Variants in SCLT1 observed in about 807,000 individuals in gnomAD.
SCLT1 encodes sodium channel and clathrin linker 1, also known as sodium channel-associated protein 1.
In SCLT1, 78 loss-of-function variants were observed where a neutral mutation model predicts 112.8. The observed-to-expected ratio is 0.69, with a 90% CI of 0.58 to 0.83. SCLT1 has a LOEUF of 0.83. Among genes scored for constraint, SCLT1 ranks in the 40% least tolerant of loss-of-function variants. The pLI is 0.00. For missense variants in SCLT1, 747 were observed against 770.4 expected (o/e 0.97, Z 0.36); for synonymous variants, 257 against 254.7 (o/e 1.01, Z -0.09).
intron 18 of SCLT1, among the ~76,000 whole-genome samples, chr4:128,925,491 T>G (rs1736223945): frequency 6.6e-6 from 1 of 151,990 alleles, no homozygotes; most frequent in Non-Finnish European, 1.5e-5. Flanking sequence ...TCCTGGCTAA[T>G]TTTTGTATTT....
At chr4:129,084,544 A>T (rs1163353953) in intron 1 of SCLT1, among the ~76,000 whole-genome samples, 1 of 152,150 alleles carries the variant, frequency 6.6e-6, no homozygotes, top group Non-Finnish European at 1.5e-5. Context: ...ATGAAACCAA[A>T]AAAGAGACTG....
chr4:128,874,987 T>C (rs1665089246), intron 4 of SCLT1: 1 of 148,994 alleles, frequency 6.7e-6, no homozygotes, highest in Admixed American at 6.7e-5. Context: ...TAGCTTGGTG[T>C]CCATTCAGCT....
chr4:128,922,712 C>G (rs1735976580), intron 18 of SCLT1, among the ~76,000 whole-genome samples: 1 of 151,966 alleles, frequency 6.6e-6, no homozygotes, highest in Non-Finnish European at 1.5e-5. Context: ...GTCTGTGTAA[C>G]AAAATAATAG....
intron 9 of SCLT1, among the ~76,000 whole-genome samples, chr4:128,977,532 AAAG>A (rs1291583401): frequency 6.6e-6 from 1 of 152,210 alleles, no homozygotes; most frequent in Non-Finnish European, 1.5e-5. Context: ...ACAATGTTAC[AAAG>A]AAGATGATAC....
At chr4:129,023,395 G>A (rs1250404350) in intron 5 of SCLT1, among the ~76,000 whole-genome samples, 1 of 152,168 alleles carries the variant, frequency 6.6e-6, no homozygotes, top group East Asian at 1.9e-4. Context: ...CTGTATTCAG[G>A]AGACCTATCT....
chr4:128,896,602 T>C (rs1401569450), intron 18 of SCLT1, among the ~76,000 whole-genome samples: 1 of 152,096 alleles, frequency 6.6e-6, no homozygotes, highest in Non-Finnish European at 1.5e-5. Flanking sequence ...CTGGAAACTC[T>C]AAAAATCAGA....
intron 1 of SCLT1, among the ~76,000 whole-genome samples, chr4:129,090,673 C>G (rs1353978836): frequency 6.6e-6 from 1 of 152,146 alleles, no homozygotes; most frequent in Non-Finnish European, 1.5e-5. Context: ...AGTCCATCAC[C>G]ACTCTGCCAG....
chr4:128,966,375 CAG>C (rs1328312706), intron 10 of SCLT1, among the ~76,000 whole-genome samples: 2 of 152,156 alleles, frequency 1.3e-5, no homozygotes, highest in South Asian at 2.1e-4. Context: ...CCAATTTATT[CAG>C]AGTTAATATT....
chr4:129,090,578 T>C (rs1156927784), intron 1 of SCLT1, among the ~76,000 whole-genome samples: 2 of 152,196 alleles, frequency 1.3e-5, no homozygotes, highest in Non-Finnish European at 2.9e-5. Flanking sequence ...ACACAATTCA[T>C]AAAAGAACAA....
intron 2 of SCLT1, among the ~76,000 whole-genome samples, chr4:129,079,194 C>T (rs995647275): frequency 6.6e-6 from 1 of 152,126 alleles, no homozygotes; most frequent in Non-Finnish European, 1.5e-5. Flanking sequence ...AATCTCATAT[C>T]CTCACACTGG....
chr4:129,076,342 C>T (rs1024158937), intron 2 of SCLT1, among the ~76,000 whole-genome samples: 1 of 152,092 alleles, frequency 6.6e-6, no homozygotes, highest in Non-Finnish European at 1.5e-5. Flanking sequence ...GCCACTCATA[C>T]CTCTTTGGCA....
intron 18 of SCLT1, among the ~76,000 whole-genome samples, chr4:128,931,000 G>A (rs1307005368): frequency 6.6e-6 from 1 of 151,986 alleles, no homozygotes; most frequent in African/African-American, 2.4e-5. Context: ...CAAACATCTG[G>A]ATAAAATAAG....
chr4:129,042,252 T>TATC (rs1747764340), intron 4 of SCLT1, among the ~76,000 whole-genome samples: 1 of 152,044 alleles, frequency 6.6e-6, no homozygotes, highest in African/African-American at 2.4e-5. Flanking sequence ...AAGAAATACT[T>TATC]CTATTATATG....
At chr4:128,966,119 C>T (rs957888113) in intron 10 of SCLT1, among the ~76,000 whole-genome samples, 5 of 149,798 alleles carry the variant, frequency 3.3e-5, no homozygotes, top group Admixed American at 6.7e-5. Context: ...CGTGAGCCAC[C>T]GTGCTTGGCC....
chr4:129,082,968 G>T (rs757328079), intron 1 of SCLT1, among the ~76,000 whole-genome samples: 2 of 151,996 alleles, frequency 1.3e-5, no homozygotes, highest in Non-Finnish European at 2.9e-5. Context: ...GAGGCAGATG[G>T]ATCACTTGAG....
At chr4:129,047,354 T>C (rs552547925) in intron 2 of SCLT1, among the ~76,000 whole-genome samples, 1 of 151,978 alleles carries the variant, frequency 6.6e-6, no homozygotes, top group African/African-American at 2.4e-5. Flanking sequence ...GTAGAGCTAT[T>C]TCCAAACTTT....
chr4:129,070,225 G>A (rs1194005216), intron 2 of SCLT1, among the ~76,000 whole-genome samples: 1 of 151,984 alleles, frequency 6.6e-6, no homozygotes, highest in Admixed American at 6.6e-5. Context: ...TTCTTTTTTG[G>A]ATATGTCCTT....
At chr4:129,005,186 TAA>T (rs1001410874) in intron 5 of SCLT1, among the ~76,000 whole-genome samples, 1 of 152,170 alleles carries the variant, frequency 6.6e-6, no homozygotes, top group African/African-American at 2.4e-5. Context: ...TCTCACATTC[TAA>T]AAAGTTTTCT....
intron 18 of SCLT1, among the ~76,000 whole-genome samples, chr4:128,931,623 C>T (rs568033187): frequency 7.2e-4 from 110 of 152,146 alleles, no homozygotes; most frequent in Admixed American, 7.2e-4. Context: ...CCACCACGCC[C>T]GGCTAATTTT....
Sources: gnomAD v4.1 joint callset for allele counts (sites outside exome capture counted in the v4.1 genomes callset) on GRCh38, gnomAD v4.1.1 for gene constraint, MANE v1.5 for transcripts, NCBI Gene and HGNC (gene_info 2026-07-23, HGNC 2026-07-21) for gene names.